CAMK1D: variants seen among roughly 807,000 people sequenced by gnomAD.
CAMK1D encodes calcium/calmodulin-dependent protein kinase type 1D.
Under a neutral mutation model 47.7 loss-of-function variants are expected in CAMK1D, and 9 were observed. That is an observed-to-expected ratio of 0.19 (90% CI 0.11 to 0.33). The LOEUF (loss-of-function observed/expected upper bound fraction) is 0.33. Ranked by LOEUF, CAMK1D falls within the 10% of genes least tolerant of loss-of-function variation. CAMK1D has a pLI of 1.00. For synonymous variants in CAMK1D, 184 were observed against 184.9 expected, an observed-to-expected ratio of 0.99 and a Z score of 0.04; for missense variants, 291 against 488.7, an observed-to-expected ratio of 0.60 and a Z score of 3.81.
chr10:12,548,614 A>G (rs1450977989), intron 1 of CAMK1D, among the ~76,000 whole-genome samples: 2 of 151,694 alleles, frequency 1.3e-5, no homozygotes, highest in Non-Finnish European at 2.9e-5. Context: ...ACAGGTGTAC[A>G]CCACCGTACC....
intron 2 of CAMK1D, among the ~76,000 whole-genome samples, chr10:12,634,037 C>T (rs192475700): frequency 2.9e-3 from 438 of 152,300 alleles, no homozygotes; most frequent in Middle Eastern, 0.017. Flanking sequence ...TGCTCCAGTC[C>T]TCTCTCAGCG....
chr10:12,605,109 G>A (rs1006245666), intron 2 of CAMK1D, among the ~76,000 whole-genome samples: 5 of 151,954 alleles, frequency 3.3e-5, no homozygotes, highest in Admixed American at 6.6e-5. Context: ...GGATGGTCTC[G>A]ATCTCCTGAC....
chr10:12,810,838 T>C (rs11258004), intron 6 of CAMK1D, among the ~76,000 whole-genome samples: 37,000 of 152,238 alleles, frequency 0.24, 8,069 homozygotes, highest in African/African-American at 0.57. Context: ...TGCATGTTGG[T>C]TTCTTTGCCT....
At chr10:12,418,693 A>C (rs534039016) in intron 1 of CAMK1D, among the ~76,000 whole-genome samples, 2 of 152,128 alleles carry the variant, frequency 1.3e-5, no homozygotes, top group Non-Finnish European at 2.9e-5. Context: ...ATCAGCATTA[A>C]ATTTTTTTTC....
At chr10:12,641,200 G>A (rs1267904037) in intron 2 of CAMK1D, among the ~76,000 whole-genome samples, 8 of 152,300 alleles carry the variant, frequency 5.3e-5, no homozygotes, top group African/African-American at 1.9e-4. Context: ...AACGCCTGAT[G>A]TCAGGTGATC....
intron 1 of CAMK1D, among the ~76,000 whole-genome samples, chr10:12,512,793 C>T (rs537814739): frequency 3.9e-5 from 6 of 152,178 alleles, no homozygotes; most frequent in Admixed American, 1.3e-4. Flanking sequence ...TGCTTATTTC[C>T]GAGGGAAAGA....
intron 1 of CAMK1D, among the ~76,000 whole-genome samples, chr10:12,418,210 C>G (rs1348791751): frequency 6.6e-6 from 1 of 152,236 alleles, no homozygotes; most frequent in Admixed American, 6.5e-5. Context: ...AGGCCTCAGT[C>G]CAGCAGGTCA....
chr10:12,353,418 C>G (rs1837408755), intron 1 of CAMK1D, among the ~76,000 whole-genome samples: 1 of 152,160 alleles, frequency 6.6e-6, no homozygotes, highest in African/African-American at 2.4e-5. Context: ...ACTTTGTAAT[C>G]TGATATCCAC....
At chr10:12,588,864 ATATGTGTG>A (rs1837906005) in intron 2 of CAMK1D, among the ~76,000 whole-genome samples, 1 of 104,842 alleles carries the variant, frequency 9.5e-6, no homozygotes, top group Non-Finnish European at 2.0e-5. Context: ...GTATATGTAT[ATATGTGTG>A]TGTGTGTGTG....
chr10:12,570,339 G>A (rs12572894), intron 2 of CAMK1D, among the ~76,000 whole-genome samples: 18,043 of 152,052 alleles, frequency 0.12, 1,317 homozygotes, highest in Non-Finnish European at 0.17. Flanking sequence ...TGATATTTTT[G>A]TAGATGCCGT....
At chr10:12,615,577 G>GCA (rs1491381787) in intron 2 of CAMK1D, among the ~76,000 whole-genome samples, 3 of 13,420 alleles carry the variant, frequency 2.2e-4, no homozygotes, top group African/African-American at 2.6e-4. Flanking sequence ...GTGTGTGTGC[G>GCA]TGTGTGTAGG....
intron 1 of CAMK1D, among the ~76,000 whole-genome samples, chr10:12,550,387 A>AG (rs1836538748): frequency 6.6e-6 from 1 of 152,074 alleles, no homozygotes; most frequent in South Asian, 2.1e-4. Flanking sequence ...GAGGGTAGTG[A>AG]GGGGGAACAC....
In CAMK1D at chr10:12,770,941, T is replaced by C. The variant is rs1184131259; in HGVS notation, c.565+1142T>C. The stretch of plus-strand genomic sequence containing the variant: ...TTTCTTTTTTGTGGGGGGTGGGGGG[T>C]GTGGTAGGGTACTGAATCTAGCTGT... On this transcript the variant is annotated intron_variant, in intron 5 of 10. Transcript: ENST00000619168. Among the ~76,000 whole-genome samples the C allele has an allele frequency of 3.4e-5, 5 of 148,068 alleles. No individual in the cohort carries two copies. The East Asian group carries it at 6.0e-4, about 18-fold the overall frequency.
chr10:12,794,002 G>A lies in CAMK1D; in HGVS notation c.641+2769G>A, dbSNP rs539635351. 1.6e-4 allele frequency among the ~76,000 whole-genome samples: 25 copies of A among 152,322 alleles called. No individual in the cohort carries two copies. The South Asian group carries it at 4.4e-3, about 27-fold the overall frequency. ...GATTTTAACCCAAGAGCAGTAGGGA[G>A]GGTTTTGAACAGTGTTGTGATCTGA... is the stretch of plus-strand genomic sequence containing the variant. On this transcript the variant is annotated intron_variant, in intron 6 of 10. Coordinates refer to ENST00000619168, the MANE Select transcript of CAMK1D (RefSeq NM_153498.4).
intron 3 of CAMK1D, among the ~76,000 whole-genome samples, chr10:12,669,047 C>T (rs140215170): frequency 8.4e-4 from 128 of 152,242 alleles, no homozygotes; most frequent in African/African-American, 2.9e-3. Flanking sequence ...GCCTGGCCAA[C>T]ATGGTGAAAC....
intron 2 of CAMK1D, among the ~76,000 whole-genome samples, chr10:12,582,513 G>A (rs1401754491): frequency 1.3e-5 from 2 of 152,132 alleles, no homozygotes; most frequent in African/African-American, 4.8e-5. Context: ...GAGCATGGGG[G>A]TGTTTCCATT....
At position 12,721,942 on chromosome 10, in the gene CAMK1D, G is replaced by T. The variant is rs185177497; in HGVS notation, c.300-39006G>T. On this transcript the variant is annotated intron_variant, in intron 3 of 10. Coordinates refer to ENST00000619168, the MANE Select transcript of CAMK1D (RefSeq NM_153498.4). ...ACTGAAACCCCTCGCTGCCTTCTAA[G>T]TGCAGCAGGCTCTATAACAAGAGGG... 2.6e-3 allele frequency among the ~76,000 whole-genome samples: 399 copies of T among 152,232 alleles called. 4 individuals are homozygous for T. Among genetic ancestry groups the T allele is most frequent in the Admixed American group, 0.024 (374 of 15,284 alleles).
chr10:12,621,535 G>A (rs1007784052), intron 2 of CAMK1D, among the ~76,000 whole-genome samples: 10 of 150,976 alleles, frequency 6.6e-5, no homozygotes, highest in African/African-American at 2.2e-4. Flanking sequence ...GATTGTAGAT[G>A]GCATTTTAAA....
intron 2 of CAMK1D, among the ~76,000 whole-genome samples, chr10:12,626,221 A>G (rs1347181814): frequency 2.0e-5 from 3 of 152,122 alleles, no homozygotes; most frequent in African/African-American, 4.8e-5. Context: ...GCATTTAACA[A>G]TACAAATAAC....
Sources: gnomAD v4.1 joint callset for allele counts (sites outside exome capture counted in the v4.1 genomes callset) on GRCh38, gnomAD v4.1.1 for gene constraint, MANE v1.5 for transcripts, NCBI Gene and HGNC (gene_info 2026-07-23, HGNC 2026-07-21) for gene names.